The following UNC5D variants were observed in gnomAD, a reference collection of about 807,000 sequenced individuals.
UNC5D encodes unc-5 netrin receptor D.
In UNC5D, 39 loss-of-function variants were observed where a neutral mutation model predicts 105.4. That is an observed-to-expected ratio of 0.37 (90% CI 0.29 to 0.48). UNC5D has a LOEUF of 0.48. Among genes scored for constraint, UNC5D ranks in the 20% least tolerant of loss-of-function variants. The pLI is 0.98. For synonymous variants in UNC5D, 452 were observed against 450.4 expected, an observed-to-expected ratio of 1.00 and a Z score of -0.04; for missense variants, 991 against 1,202.4, an observed-to-expected ratio of 0.82 and a Z score of 2.60.
chr8:35,651,270 A>T (rs923475276), intron 4 of UNC5D, among the ~76,000 whole-genome samples: 3 of 152,248 alleles, frequency 2.0e-5, no homozygotes, highest in African/African-American at 7.2e-5. Flanking sequence ...ATGTAAATAC[A>T]GGGAACTAAA....
intron 4 of UNC5D, among the ~76,000 whole-genome samples, chr8:35,634,612 T>C (rs1346168084): frequency 6.6e-6 from 1 of 152,188 alleles, no homozygotes; most frequent in African/African-American, 2.4e-5. Context: ...TTATTTAGTT[T>C]TGAAAGGTTA....
At chr8:35,577,822 A>G (rs985567913) in intron 3 of UNC5D, among the ~76,000 whole-genome samples, 6 of 152,218 alleles carry the variant, frequency 3.9e-5, no homozygotes, top group African/African-American at 1.2e-4. Context: ...CACTTTGATC[A>G]AGTAATCAAT....
chr8:35,436,630 T>C (rs1306434689), intron 1 of UNC5D, among the ~76,000 whole-genome samples: 1 of 151,622 alleles, frequency 6.6e-6, no homozygotes, highest in Non-Finnish European at 1.5e-5. Flanking sequence ...TAGTATTAGA[T>C]TGTATCTCCA....
intron 4 of UNC5D, among the ~76,000 whole-genome samples, chr8:35,606,855 A>G (rs1449988412): frequency 6.6e-6 from 1 of 152,232 alleles, no homozygotes. Context: ...TATGAATTAT[A>G]GGAACTCTGT....
rs77094021 is a variant in UNC5D at position 35,539,624 on chromosome 8, T to C, written c.104-9668T>C. ...CTGAGAGCCTGGATGACTTCTAAGA[T>C]AGGAGAGTCGGTTCGGATTTTCTCT... On this transcript the variant is annotated intron_variant, in intron 1 of 16. Transcript: ENST00000404895. Among the ~76,000 whole-genome samples, 972 of 152,278 alleles carry C rather than the reference T, an allele frequency of 6.4e-3. 9 individuals carry two copies. Among genetic ancestry groups the C allele is most frequent in the African/African-American group, 0.022 (931 of 41,566 alleles).
At chr8:35,387,440 G>T (rs528415536) in intron 1 of UNC5D, among the ~76,000 whole-genome samples, 1 of 151,374 alleles carries the variant, frequency 6.6e-6, no homozygotes, top group South Asian at 2.1e-4. Context: ...AGAACCCCTG[G>T]CTTAAGCAGT....
intron 4 of UNC5D, among the ~76,000 whole-genome samples, chr8:35,645,510 G>A (rs1017556883): frequency 2.7e-5 from 4 of 146,338 alleles, no homozygotes; most frequent in Non-Finnish European, 4.4e-5. Flanking sequence ...TTTTTCTATC[G>A]TATATATGTG....
intron 1 of UNC5D, among the ~76,000 whole-genome samples, chr8:35,517,256 T>C (rs1392026465): frequency 3.9e-5 from 6 of 152,160 alleles, no homozygotes; most frequent in African/African-American, 1.4e-4. Context: ...GTACCTAGAC[T>C]GTCATTCAAT....
rs879262083 is a variant in UNC5D, at chr8:35,409,447, AGGTGG to A, written c.104-139844_104-139840del. On this transcript the variant is annotated intron_variant, in intron 1 of 16. Coordinates refer to ENST00000404895, the MANE Select transcript of UNC5D (RefSeq NM_080872.4). ...TTTGTTTTCATTTTATCCTTCTAAT[AGGTGG>A]ATACTGGTTTCTCATGGTTTTAACT... Among the ~76,000 whole-genome samples the A allele has an allele frequency of 8.9e-3, 1,352 of 152,080 alleles. 21 individuals are homozygous for A. Among genetic ancestry groups the A allele is most frequent in the South Asian group, 0.078 (376 of 4,800 alleles).
At chr8:35,361,806 C>T (rs1163727772) in intron 1 of UNC5D, among the ~76,000 whole-genome samples, 2 of 152,080 alleles carry the variant, frequency 1.3e-5, no homozygotes, top group South Asian at 4.1e-4. Flanking sequence ...TAAATTAGAC[C>T]TCGAATATAA....
At chr8:35,525,022 T>C (rs2293989) in intron 1 of UNC5D, among the ~76,000 whole-genome samples, 21,528 of 142,092 alleles carry the variant, frequency 0.15, 2,156 homozygotes, top group East Asian at 0.26. Context: ...GTTGGGTGTT[T>C]TGTTTGTTCA....
At chr8:35,330,070 C>A (rs995718618) in intron 1 of UNC5D, among the ~76,000 whole-genome samples, 1 of 152,148 alleles carries the variant, frequency 6.6e-6, no homozygotes, top group African/African-American at 2.4e-5. Context: ...AAGGCAGTAA[C>A]TTTTCTGATA....
chr8:35,637,766 C>G (rs1822473244), intron 4 of UNC5D, among the ~76,000 whole-genome samples: 1 of 152,160 alleles, frequency 6.6e-6, no homozygotes. Flanking sequence ...AAATGGGGTG[C>G]TCCATTTCCA....
chr8:35,261,208 C>T (rs892152115), intron 1 of UNC5D, among the ~76,000 whole-genome samples: 1 of 152,134 alleles, frequency 6.6e-6, no homozygotes, highest in Non-Finnish European at 1.5e-5. Flanking sequence ...ACAGTAGCAA[C>T]TGTGAAGGAA....
At chr8:35,324,195 C>A (rs1364161758) in intron 1 of UNC5D, among the ~76,000 whole-genome samples, 1 of 139,734 alleles carries the variant, frequency 7.2e-6, no homozygotes, top group Non-Finnish European at 1.5e-5. Context: ...ATCACACCAC[C>A]GTACACCAGC....
intron 1 of UNC5D, among the ~76,000 whole-genome samples, chr8:35,333,176 A>T (rs933063292): frequency 2.6e-5 from 4 of 152,058 alleles, no homozygotes; most frequent in Non-Finnish European, 4.4e-5. Context: ...TCTACAAAAA[A>T]TTTTTTAAAA....
chr8:35,747,106 TTG>T (rs1286649463), intron 11 of UNC5D, among the ~76,000 whole-genome samples: 1 of 152,210 alleles, frequency 6.6e-6, no homozygotes, highest in African/African-American at 2.4e-5. Flanking sequence ...GTGGTTACTT[TTG>T]TGGAAGACTG....
chr8:35,455,290 T>TC (rs1012239332), intron 1 of UNC5D, among the ~76,000 whole-genome samples: 2 of 152,060 alleles, frequency 1.3e-5, no homozygotes, highest in African/African-American at 4.8e-5. Context: ...ACTTTTTTTT[T>TC]TTTTTTGAGA....
At chr8:35,392,590 T>G (rs770688669) in intron 1 of UNC5D, among the ~76,000 whole-genome samples, 2 of 152,178 alleles carry the variant, frequency 1.3e-5, no homozygotes, top group Non-Finnish European at 2.9e-5. Flanking sequence ...ACCTCTGTCT[T>G]TCATGTTTAA....
Sources: gnomAD v4.1 joint callset for allele counts (sites outside exome capture counted in the v4.1 genomes callset) on GRCh38, gnomAD v4.1.1 for gene constraint, MANE v1.5 for transcripts, NCBI Gene and HGNC (gene_info 2026-07-23, HGNC 2026-07-21) for gene names.